The following CCDC175 variants were observed in gnomAD, a reference collection of about 807,000 sequenced individuals.
CCDC175 encodes the protein coiled-coil domain containing 175, also known as coiled-coil domain-containing protein 175.
A neutral mutation model predicts 114.6 loss-of-function variants in CCDC175; 100 were observed. The observed-to-expected ratio is 0.87, with a 90% CI of 0.74 to 1.03. The LOEUF is 1.03. Ranked by LOEUF, CCDC175 falls within the 50% of genes least tolerant of loss-of-function variation. The probability of loss-of-function intolerance (pLI) is 0.00; values close to 1 mark genes in which losing one functional copy is unlikely to be tolerated. For synonymous variants in CCDC175, 306 were observed against 308.7 expected, an observed-to-expected ratio of 0.99 and a Z score of 0.09; for missense variants, 880 against 917.8, an observed-to-expected ratio of 0.96 and a Z score of 0.53.
In CCDC175 at chr14:59,567,701, A is replaced by T. The variant is rs1896638123; in HGVS notation, c.491+544T>A. Among the ~76,000 whole-genome samples, 4 of 152,158 alleles carry T rather than the reference A, an allele frequency of 2.6e-5. No individual in the cohort carries two copies. The South Asian group carries it at 8.3e-4, about 32-fold the overall frequency. On this transcript the variant is annotated intron_variant, in intron 4 of 19. Transcript: ENST00000537690. ...GATCTTGAGCTATAGGCAGTTTCAT[A>T]TATTATCTCATTTAATTACAGACAC...
At position 59,538,797 on chromosome 14, in the gene CCDC175, C is replaced by A. The variant is rs1480148865; in HGVS notation, c.1399G>T (p.Ala467Ser). The change falls in exon 12 of 20, where the codon GCA becomes TCA. Residue 467 changes from alanine to serine, a missense_variant. Coordinates refer to ENST00000537690, the MANE Select transcript of CCDC175 (RefSeq NM_001164399.2). ...GCTTTTATCTTGGCTGTCCAACGTG[C>A]ATGCTTTTTTCTCAAGCAAGCCATT... is the stretch of plus-strand genomic sequence containing the variant. ...WKMACLRKKH[A>S]RWTAKIKAEI... 2.0e-6 allele frequency: 3 copies of A among 1,536,800 alleles called. No individual in the cohort carries two copies. The South Asian group carries it at 3.6e-5, about 18-fold the overall frequency.
At chr14:59,559,550 G>A (rs959250752) in intron 7 of CCDC175, among the ~76,000 whole-genome samples, 4 of 152,086 alleles carry the variant, frequency 2.6e-5, no homozygotes, top group Non-Finnish European at 5.9e-5. Context: ...AAAGTGTGTC[G>A]TGCAAATTAT....
At chr14:59,521,117 G>A (rs1893405641) in intron 17 of CCDC175, among the ~76,000 whole-genome samples, 1 of 152,184 alleles carries the variant, frequency 6.6e-6, no homozygotes, top group Non-Finnish European at 1.5e-5. Context: ...AACCAAAGGA[G>A]ATTCACATTT....
rs1330546694 is a variant in CCDC175, at chr14:59,565,107, C to T, written c.660G>A (p.Glu220=). The T allele has an allele frequency of 2.6e-6, 4 of 1,537,780 alleles. No homozygotes were observed. Among genetic ancestry groups the T allele is most frequent in the Non-Finnish European group, 2.6e-6 (3 of 1,146,998 alleles). ...ALQKKCIQEA[E]ELMEKERAEY... is the part of the protein sequence containing the mutation. ...CTGCCCTTTCTTTTTCCATTAGCTC[C>T]TCTGCCTCTTGAATACATTTTTTTT... The change falls in exon 5 of 20, where the codon GAG becomes GAA. Residue 220 remains glutamate (E), a synonymous_variant. Coordinates refer to ENST00000537690, the MANE Select transcript of CCDC175 (RefSeq NM_001164399.2).
intron 19 of CCDC175, among the ~76,000 whole-genome samples, chr14:59,509,329 C>T (rs1663426187): frequency 6.6e-6 from 1 of 152,160 alleles, no homozygotes; most frequent in Non-Finnish European, 1.5e-5. Flanking sequence ...TGCATTCGTA[C>T]ATCATAAGTA....
At chr14:59,505,563 A>G (rs1483803588) in intron 19 of CCDC175, among the ~76,000 whole-genome samples, 1 of 152,194 alleles carries the variant, frequency 6.6e-6, no homozygotes, top group Admixed American at 6.5e-5. Context: ...TATGCAAAAG[A>G]AGAAATTACA....
At chr14:59,575,139 T>C in intron 1 of CCDC175, 111 bp from the exon 2 acceptor site, 1 of 576,854 alleles carries the variant, frequency 1.7e-6, no homozygotes, top group African/African-American at 1.9e-5. Flanking sequence ...ATCTTCAGTC[T>C]CTGAATTTTT....
chr14:59,559,947 G>A (rs975791769), intron 7 of CCDC175, among the ~76,000 whole-genome samples: 15 of 152,034 alleles, frequency 9.9e-5, no homozygotes, highest in South Asian at 4.1e-4. Flanking sequence ...TTTCATCAAC[G>A]TAGTGAGGTT....
chr14:59,572,569 T>C, intron 3 of CCDC175, 133 bp downstream of exon 3: 1 of 488,696 alleles, frequency 2.0e-6, no homozygotes, highest in Non-Finnish European at 3.5e-6. Flanking sequence ...TTACGGACCT[T>C]ACTGTGTTTG....
At chr14:59,520,766 G>C (rs1207218200) in intron 17 of CCDC175, among the ~76,000 whole-genome samples, 3 of 152,136 alleles carry the variant, frequency 2.0e-5, no homozygotes, top group African/African-American at 7.2e-5. Context: ...TGTGCACCCT[G>C]TCATTTCATT....
intron 1 of CCDC175, among the ~76,000 whole-genome samples, chr14:59,576,391 T>G (rs957887078): frequency 2.0e-5 from 3 of 152,206 alleles, no homozygotes; most frequent in African/African-American, 4.8e-5. Flanking sequence ...TAACTACTAC[T>G]GAGGGTTGAG....
chr14:59,572,947 T>C, intron 2 of CCDC175, 134 bp from the exon 3 acceptor site: 1 of 559,134 alleles, frequency 1.8e-6, no homozygotes, highest in South Asian at 2.7e-5. Flanking sequence ...TTATTTTTAT[T>C]TGGAACAGAA....
At position 59,564,005 on chromosome 14, in the gene CCDC175, A is replaced by G. The variant is rs80266175; in HGVS notation, c.721-146T>C. 1,073 of 484,686 alleles carry G rather than the reference A, an allele frequency of 2.2e-3. 10 individuals are homozygous for G. The highest frequency in any genetic ancestry group is 0.019 in the African/African-American group (942 of 50,268). The allele number at this position is 484,686 out of a possible 1,614,324, so 30.0% of individuals were successfully genotyped here. ...ATAGTAATAAGTAAAAAATAAACCT[A>G]AAAACCAGGGTTTCCTTATTTTGCA... On this transcript the variant is annotated intron_variant, in intron 5 of 19. Coordinates refer to ENST00000537690, the MANE Select transcript of CCDC175 (RefSeq NM_001164399.2).
chr14:59,567,186 T>G (rs563931911), intron 4 of CCDC175, among the ~76,000 whole-genome samples: 1 of 152,250 alleles, frequency 6.6e-6, no homozygotes, highest in East Asian at 1.9e-4. Context: ...GTCTAGTTTA[T>G]GTAGCAGGCT....
chr14:59,568,905 T>C (rs1896704429), intron 3 of CCDC175, among the ~76,000 whole-genome samples: 1 of 152,196 alleles, frequency 6.6e-6, no homozygotes. Context: ...ATCCACCCCA[T>C]ATTTGCTCTC....
At chr14:59,505,420 G>C in intron 19 of CCDC175, 105 bp from the exon 20 acceptor site, 1 of 521,334 alleles carries the variant, frequency 1.9e-6, no homozygotes. Flanking sequence ...ATCCTCAATT[G>C]AGTAATTGTA....
chr14:59,523,247 G>T (rs779714489), intron 16 of CCDC175, among the ~76,000 whole-genome samples: 1 of 152,104 alleles, frequency 6.6e-6, no homozygotes, highest in Non-Finnish European at 1.5e-5. Context: ...ATGTGTGAGG[G>T]TTATCAATGA....
chr14:59,541,167 T>C (rs1324797700), intron 10 of CCDC175, among the ~76,000 whole-genome samples: 3 of 152,052 alleles, frequency 2.0e-5, no homozygotes, highest in African/African-American at 7.2e-5. Context: ...ACAGAGGACA[T>C]GAAGGAAAGA....
Position 59,510,630 on chromosome 14 carries a change from C to T in CCDC175, c.2305+16G>A, listed in dbSNP as rs201314203. The T allele has an allele frequency of 1.3e-6, 2 of 1,536,708 alleles. No homozygotes were observed. Among genetic ancestry groups the T allele is most frequent in the Non-Finnish European group, 8.7e-7 (1 of 1,146,614 alleles). ...CAGGAAGTCCCATGTTACCAAAGCT[C>T]TAAGCTGTTGCTTACTAAGAAGGTC... On this transcript the variant is annotated intron_variant, in intron 19 of 19. Transcript: ENST00000537690.
Sources: allele counts gnomAD v4.1 joint callset (sites outside exome capture counted in the v4.1 genomes callset), GRCh38; gene constraint gnomAD v4.1.1; transcripts MANE v1.5; gene names NCBI Gene and HGNC (gene_info 2026-07-23, HGNC 2026-07-21).